PRRG4: variants seen among roughly 807,000 people sequenced by gnomAD.
PRRG4 encodes the protein proline rich and Gla domain 4.
Under a neutral mutation model 20.0 loss-of-function variants are expected in PRRG4, and 12 were observed. The observed-to-expected ratio is 0.60, with a 90% confidence interval of 0.38 to 0.97. The LOEUF is 0.97. Ranked by LOEUF, PRRG4 falls within the 50% of genes least tolerant of loss-of-function variation. The pLI, the probability that PRRG4 is intolerant of heterozygous loss-of-function variation, is 0.00. For synonymous variants in PRRG4, 94 were observed against 96.4 expected (o/e 0.98, Z 0.15); for missense variants, 199 against 265.1 (o/e 0.75, Z 1.73).
Position 32,830,013 on chromosome 11 carries a change from C to T in PRRG4, c.-183C>T. ...CCCTCTGCGAACCCCAGGCCCTTCC[C>T]AGGTTTGCGCGCGGGGGCCATCCAG... is the stretch of plus-strand genomic sequence containing the variant. On this transcript the variant is annotated 5_prime_UTR_variant, in exon 1 of 6. Transcript: ENST00000257836. 1 of 985,852 alleles carries T rather than the reference C, an allele frequency of 1.0e-6. No individual in the cohort carries two copies. The highest frequency in any genetic ancestry group is 1.7e-5 in the African/African-American group (1 of 57,396). The allele number at this position is 985,852 out of a possible 1,614,324, so 61.1% of individuals were successfully genotyped here.
At chr11:32,844,480 T>C (rs953435876) in intron 5 of PRRG4, among the ~76,000 whole-genome samples, 3 of 18,008 alleles carry the variant, frequency 1.7e-4, no homozygotes, top group African/African-American at 6.0e-4. Flanking sequence ...TTATTATTAT[T>C]ATTATTATTA....
intron 5 of PRRG4, among the ~76,000 whole-genome samples, chr11:32,850,289 CT>C (rs1427551781): frequency 6.6e-6 from 1 of 151,984 alleles, no homozygotes; most frequent in South Asian, 2.1e-4. Flanking sequence ...CACCTTTTAC[CT>C]TTTTTTTCCC....
At chr11:32,838,153 A>C (rs1851041425) in intron 3 of PRRG4, among the ~76,000 whole-genome samples, 1 of 152,092 alleles carries the variant, frequency 6.6e-6, no homozygotes, top group Non-Finnish European at 1.5e-5. Context: ...AAATCAATAA[A>C]TACCTTTCAA....
At chr11:32,851,927 G>A (rs1851186803) in intron 5 of PRRG4, among the ~76,000 whole-genome samples, 1 of 152,136 alleles carries the variant, frequency 6.6e-6, no homozygotes, top group African/African-American at 2.4e-5. Context: ...GGAGGTTAAT[G>A]TATGTATAGA....
Position 32,853,391 on chromosome 11 carries a change from A to T in PRRG4, c.545A>T (p.Glu182Val), listed in dbSNP as rs201564458. 34 of 1,614,018 alleles carry T rather than the reference A, an allele frequency of 2.1e-5. No individual in the cohort carries two copies. In the African/African-American group the frequency reaches 4.3e-4, roughly 20 times the overall value. The change falls in exon 6 of 6, where the codon GAG becomes GTG. Residue 182 changes from glutamate (E) to valine (V), a missense_variant. By Grantham distance (121) the Glu-to-Val change is moderately radical. Transcript: ENST00000257836. ...TTGTCTCCATTGCCGCCTTCTGTGGAGGATGCAGGATTACCTTCTTATGAA... is the reference window on the plus strand; with the variant it reads ...TTGTCTCCATTGCCGCCTTCTGTGGTGGATGCAGGATTACCTTCTTATGAA... ...AALSPLPPSV[E>V]DAGLPSYEQA...
In PRRG4 at chr11:32,848,703, G is replaced by A. The variant is rs139825081; in HGVS notation, c.450-4593G>A. On this transcript the variant is annotated intron_variant, in intron 5 of 5. Coordinates refer to ENST00000257836, the MANE Select transcript of PRRG4 (RefSeq NM_024081.6). ...GGGTAAGAATTTGGCCAGGGGTGGTGGCTCATGCCTGTAATCCCAGAACTT... is the reference window on the plus strand; with the variant it reads ...GGGTAAGAATTTGGCCAGGGGTGGTAGCTCATGCCTGTAATCCCAGAACTT... Among the ~76,000 whole-genome samples, 1,005 of 152,184 alleles carry A rather than the reference G, an allele frequency of 6.6e-3. 13 individuals carry two copies. The highest frequency in any genetic ancestry group is 0.021 in the African/African-American group (876 of 41,518).
At chr11:32,838,216 C>T (rs535680416) in intron 3 of PRRG4, among the ~76,000 whole-genome samples, 3 of 152,106 alleles carry the variant, frequency 2.0e-5, no homozygotes, top group East Asian at 3.9e-4. Flanking sequence ...CAGCACTTTG[C>T]GGGGCAGAGG....
intron 5 of PRRG4, among the ~76,000 whole-genome samples, chr11:32,849,791 C>T (rs1328408275): frequency 6.6e-6 from 1 of 152,226 alleles, no homozygotes; most frequent in African/African-American, 2.4e-5. Flanking sequence ...AGAAGAGGAA[C>T]ATAAATGGTC....
chr11:32,840,019 G>C lies in PRRG4; in HGVS notation c.317-88G>C, dbSNP rs894660229. The C allele has an allele frequency of 2.7e-5, 26 of 947,278 alleles. No individual in the cohort carries two copies. In the Admixed American group the frequency reaches 4.6e-4, roughly 17 times the overall value. 58.7% of individuals were successfully genotyped at this position (947,278 alleles called of 1,614,324 possible). A position where few individuals can be genotyped will look rare whatever the true frequency, so the allele number is the denominator to read the frequency against. On this transcript the variant is annotated intron_variant, in intron 4 of 5. Coordinates refer to ENST00000257836, the MANE Select transcript of PRRG4 (RefSeq NM_024081.6). This position sits in a 1 kb window ranked among gnomAD's most constrained non-coding sequence, Gnocchi z 4.1. ...CATCAATGATTAGATGCTGTATAAT[G>C]TGTTTAGAACCAGGATTAAATTTGT...
rs900880558 is a variant in PRRG4, at chr11:32,853,991, A to G, written c.*464A>G. The stretch of plus-strand genomic sequence containing the variant: ...ACAAACTGCAAGGAATAAAGGAAGA[A>G]TAAGTCCATGTACTGTACCACAGAA... On this transcript the variant is annotated 3_prime_UTR_variant, in exon 6 of 6. Transcript: ENST00000257836. 4.0e-5 allele frequency: 7 copies of G among 173,988 alleles called. No individual in the cohort carries two copies. Among genetic ancestry groups the G allele is most frequent in the Non-Finnish European group, 8.7e-5 (7 of 80,312 alleles). The allele number at this position is 173,988 out of a possible 1,614,324, so 10.8% of individuals were successfully genotyped here.
At chr11:32,834,453 C>T (rs10835981) in intron 2 of PRRG4, among the ~76,000 whole-genome samples, 26,064 of 152,138 alleles carry the variant, frequency 0.17, 2,915 homozygotes, top group East Asian at 0.55. Flanking sequence ...TTTAAAACAA[C>T]TATCACCAAT....
intron 5 of PRRG4, among the ~76,000 whole-genome samples, chr11:32,846,763 G>A (rs1352750819): frequency 6.6e-6 from 1 of 152,112 alleles, no homozygotes; most frequent in African/African-American, 2.4e-5. Flanking sequence ...ACTTTAGGAG[G>A]CCGAGGCAGG....
At chr11:32,847,122 C>A (rs1250675428) in intron 5 of PRRG4, among the ~76,000 whole-genome samples, 1 of 152,006 alleles carries the variant, frequency 6.6e-6, no homozygotes, top group Non-Finnish European at 1.5e-5. Flanking sequence ...TTTGACAGGA[C>A]AAAATGGTTC....
At chr11:32,849,167 A>C (rs556727660) in intron 5 of PRRG4, among the ~76,000 whole-genome samples, 1 of 152,162 alleles carries the variant, frequency 6.6e-6, no homozygotes, top group Non-Finnish European at 1.5e-5. Context: ...GTTCAAGATC[A>C]GCCTGGGCAA....
rs80169434 is a variant in PRRG4 at position 32,830,452 on chromosome 11, T to A, written c.-22-56T>A. On this transcript the variant is annotated intron_variant, in intron 1 of 5. Coordinates refer to ENST00000257836, the MANE Select transcript of PRRG4 (RefSeq NM_024081.6). Reference sequence around the variant, plus strand: ...GTTGGTGATTCAGTTCGACAGAAACTCAAAGTGCTGAGCTAGGGGCCTTTT... The same window carrying A: ...GTTGGTGATTCAGTTCGACAGAAACACAAAGTGCTGAGCTAGGGGCCTTTT... 421 of 1,268,058 alleles carry A rather than the reference T, an allele frequency of 3.3e-4. 2 individuals carry two copies. The East Asian group carries it at 0.01, about 31-fold the overall frequency. 78.6% of individuals were successfully genotyped at this position (1,268,058 alleles called of 1,614,324 possible). A position where few individuals can be genotyped will look rare whatever the true frequency, so the allele number is the denominator to read the frequency against.
Position 32,838,904 on chromosome 11 carries a change from C to A in PRRG4, c.290C>A (p.Ser97Ter). 1 of 1,609,910 alleles carries A rather than the reference C, an allele frequency of 6.2e-7. No homozygotes were observed. The highest frequency in any genetic ancestry group is 1.1e-5 in the South Asian group (1 of 90,890). Residue 97 changes from serine to a stop codon, truncating the protein, a stop_gained, in exon 4 of 6, where the codon TCA becomes TAA. Transcript: ENST00000257836. LOFTEE classifies it high-confidence loss of function. ...TAGATTGCATTTTGGCAGGAATATT[C>A]AGCTAAAGGACCAACCACAAAATCA... The part of the protein sequence containing the change: ...DKTIAFWQEY[S>*]AKGPTTKSDG...
At chr11:32,849,116 A>G (rs1004668477) in intron 5 of PRRG4, among the ~76,000 whole-genome samples, 7 of 152,142 alleles carry the variant, frequency 4.6e-5, no homozygotes, top group African/African-American at 1.7e-4. Context: ...TAATCCTAGT[A>G]CTTTGGGAGT....
At chr11:32,851,919 A>C (rs1016471279) in intron 5 of PRRG4, among the ~76,000 whole-genome samples, 1 of 152,168 alleles carries the variant, frequency 6.6e-6, no homozygotes. Context: ...TAACTATAGG[A>C]GGTTAATGTA....
intron 5 of PRRG4, among the ~76,000 whole-genome samples, chr11:32,844,490 AT>A (rs1851109206): frequency 1.4e-5 from 2 of 146,624 alleles, no homozygotes; most frequent in African/African-American, 2.5e-5. Flanking sequence ...TATTATTATT[AT>A]TATTATTATT....
Sources: allele counts gnomAD v4.1 joint callset (sites outside exome capture counted in the v4.1 genomes callset), GRCh38; gene constraint gnomAD v4.1.1; non-coding constraint Gnocchi (gnomAD v3.1); transcripts MANE v1.5; gene names NCBI Gene and HGNC (gene_info 2026-07-23, HGNC 2026-07-21).